Variants in USP9X observed in about 807,000 individuals in gnomAD.
The protein encoded by USP9X is ubiquitin carboxyl-terminal hydrolase 9X.
A neutral mutation model predicts 190.3 loss-of-function variants in USP9X; 7 were observed. The observed-to-expected ratio is 0.04, with a 90% CI of 0.02 to 0.07. The LOEUF (loss-of-function observed/expected upper bound fraction) is 0.07, where lower values mean the gene tolerates loss of function less well. Ranked by LOEUF, USP9X falls within the 10% of genes least tolerant of loss-of-function variation. USP9X has a pLI of 1.00. For synonymous variants in USP9X, 645 were observed against 659.5 expected (o/e 0.98, Z 0.34); for missense variants, 1,010 against 1,916.9 (o/e 0.53, Z 8.83).
intron 18 of USP9X, 53 bp from the exon 19 acceptor site, chrX:41,169,942 A>G (rs1264475704): frequency 5.0e-6 from 6 of 1,189,311 alleles, no homozygotes; most frequent in African/African-American, 1.8e-5. Context: ...CTTGGCAACA[A>G]AATTTCAGAG....
chrX:41,236,017 G>A lies in USP9X; in HGVS notation c.*3493G>A, dbSNP rs1366855849. On this transcript the variant is annotated 3_prime_UTR_variant, in exon 45 of 45. Transcript: ENST00000378308. ...TTTGCTGAATTTTGTGGGTAATTTGGTGGATATATCCTGCCTTATTTAGGA... is the reference window on the plus strand; with the variant it reads ...TTTGCTGAATTTTGTGGGTAATTTGATGGATATATCCTGCCTTATTTAGGA... The A allele has an allele frequency of 9.0e-6, 1 of 111,240 alleles. No individual in the cohort carries two copies. The highest frequency in any genetic ancestry group is 1.9e-5 in the Non-Finnish European group (1 of 52,963). 9.2% of individuals were successfully genotyped at this position (111,240 alleles called of 1,213,427 possible).
Position 41,234,042 on chromosome X carries a change from G to GT in USP9X, c.*1519dup, listed in dbSNP as rs1468373576. 1 of 93,085 alleles carries GT rather than the reference G, an allele frequency of 1.1e-5. No individual in the cohort carries two copies. Among genetic ancestry groups the GT allele is most frequent in the African/African-American group, 4.0e-5 (1 of 24,840 alleles). 7.7% of individuals were successfully genotyped at this position (93,085 alleles called of 1,213,427 possible). A position where few individuals can be genotyped will look rare whatever the true frequency, so the allele number is the denominator to read the frequency against. ...GGTTTTTTTTTTGGTTACTTTTTTT[G>GT]TCCTTTTTTTTTTTTTTTAAAAGAG... On this transcript the variant is annotated 3_prime_UTR_variant, in exon 45 of 45. Transcript: ENST00000378308.
intron 14 of USP9X, among the ~76,000 whole-genome samples, chrX:41,155,835 A>G (rs1432136760): frequency 8.9e-6 from 1 of 112,251 alleles, no homozygotes; most frequent in East Asian, 2.8e-4. Context: ...GGAACAGGGA[A>G]AGTACCACAT....
At chrX:41,106,593 C>T (rs1161486452) in intron 1 of USP9X, among the ~76,000 whole-genome samples, 4 of 90,931 alleles carry the variant, frequency 4.4e-5, no homozygotes, top group African/African-American at 8.6e-5. Flanking sequence ...TGCAATGGCG[C>T]GATCTTGGCT....
At chrX:41,143,846 ACT>A (rs1213422143) in intron 10 of USP9X, among the ~76,000 whole-genome samples, 1 of 111,884 alleles carries the variant, frequency 8.9e-6, no homozygotes. Context: ...AGAATTTATA[ACT>A]CTTCAGAAGG....
Position 41,136,982 on chromosome X carries a change from A to G in USP9X, c.614A>G (p.Asp205Gly). The change falls in exon 6 of 45, where the codon GAT becomes GGT. Residue 205 changes from aspartate to glycine, a missense_variant. This residue lies in a region of USP9X where 176 missense variants were observed against 247.5 expected (regional missense o/e 0.71). Coordinates refer to ENST00000378308, the MANE Select transcript of USP9X (RefSeq NM_001039591.3). Reference sequence around the variant, plus strand: ...TCCTCAAGTGTTCAGTTGCCTGAAGATGAACTCTTTGCTCGTTCTCCAGAT... The same window carrying G: ...TCCTCAAGTGTTCAGTTGCCTGAAGGTGAACTCTTTGCTCGTTCTCCAGAT... The part of the protein sequence containing the change: ...SVSSSVQLPE[D>G]ELFARSPDPR... The G allele has an allele frequency of 8.3e-7, 1 of 1,211,918 alleles. No homozygotes were observed. The highest frequency in any genetic ancestry group is 3.0e-5 in the East Asian group (1 of 33,841).
At chrX:41,200,935 G>A in intron 30 of USP9X, 125 bp from the exon 31 acceptor site, 1 of 653,146 alleles carries the variant, frequency 1.5e-6, no homozygotes, top group Admixed American at 2.9e-5. Flanking sequence ...CACTGCTTCA[G>A]GTTGCTGTAG....
chrX:41,099,111 T>TG (rs1349133676), intron 1 of USP9X, among the ~76,000 whole-genome samples: 3 of 90,956 alleles, frequency 3.3e-5, no homozygotes, highest in Non-Finnish European at 6.4e-5. Flanking sequence ...TTTTTTTTTT[T>TG]TTTTTTTTTT....
At chrX:41,098,181 C>T (rs1312513091) in intron 1 of USP9X, among the ~76,000 whole-genome samples, 3 of 105,365 alleles carry the variant, frequency 2.8e-5, no homozygotes, top group Non-Finnish European at 5.9e-5. Flanking sequence ...CGCTCTGTTG[C>T]CCAGGCTGGA....
At chrX:41,119,140 TA>T (rs1256886989) in intron 1 of USP9X, among the ~76,000 whole-genome samples, 2 of 111,786 alleles carry the variant, frequency 1.8e-5, no homozygotes. Flanking sequence ...ACGTCTCGAT[TA>T]AGACCTTCTG....
chrX:41,128,769 T>TG (rs1447093346), intron 2 of USP9X, among the ~76,000 whole-genome samples: 1 of 111,870 alleles, frequency 8.9e-6, no homozygotes, highest in African/African-American at 3.3e-5. Context: ...CTATATTGTT[T>TG]GGGGAATAAT....
rs1466234609 is a variant in USP9X at position 41,196,460 on chromosome X, A to G, written c.4086+101A>G. On this transcript the variant is annotated intron_variant, in intron 27 of 44. Coordinates refer to ENST00000378308, the MANE Select transcript of USP9X (RefSeq NM_001039591.3). Reference sequence around the variant, plus strand: ...GCTTGCATTAAAGTTAGGACAGTCTATATTTAATAAATGAAGTACTACTTT... The same window carrying G: ...GCTTGCATTAAAGTTAGGACAGTCTGTATTTAATAAATGAAGTACTACTTT... The G allele has an allele frequency of 1.9e-5, 20 of 1,070,753 alleles. No homozygotes were observed. In the East Asian group the frequency reaches 5.5e-4, roughly 29 times the overall value. The allele number at this position is 1,070,753 out of a possible 1,213,427, so 88.2% of individuals were successfully genotyped here. A position where few individuals can be genotyped will look rare whatever the true frequency, so the allele number is the denominator to read the frequency against.
chrX:41,099,776 A>G (rs1198442182), intron 1 of USP9X, among the ~76,000 whole-genome samples: 1 of 111,845 alleles, frequency 8.9e-6, no homozygotes, highest in Admixed American at 9.5e-5. Flanking sequence ...AGGCAGGTGG[A>G]TCACGAGGTC....
chrX:41,123,408 C>T (rs1200766092), intron 1 of USP9X, 63 bp from the exon 2 acceptor site: 1 of 375,080 alleles, frequency 2.7e-6, no homozygotes, highest in Non-Finnish European at 4.7e-6. Context: ...TAAATTCGAA[C>T]AGTTCCATAA....
chrX:41,132,295 ATTTTTTTTTTTTTTT>A (rs11356870), intron 4 of USP9X, among the ~76,000 whole-genome samples: 15,726 of 55,027 alleles, frequency 0.29, 1,216 homozygotes, highest in East Asian at 0.58. Flanking sequence ...ATGCCCACTA[ATTTTTTTTTTTTTTT>A]TTTTTTTTTT....
intron 11 of USP9X, among the ~76,000 whole-genome samples, chrX:41,147,156 A>G (rs1254676370): frequency 9.2e-6 from 1 of 109,138 alleles, no homozygotes; most frequent in Non-Finnish European, 1.9e-5. Context: ...GGTGTCTGTC[A>G]ATAGTTTTGA....
At chrX:41,179,274 G>GT (rs764227281) in intron 21 of USP9X, among the ~76,000 whole-genome samples, 1 of 111,822 alleles carries the variant, frequency 8.9e-6, no homozygotes, top group Non-Finnish European at 1.9e-5. Flanking sequence ...CTCAAAGGAT[G>GT]TTTTTTCTAT....
chrX:41,228,584 GTAGCAAA>G (rs1209978078), intron 41 of USP9X, among the ~76,000 whole-genome samples: 2 of 108,894 alleles, frequency 1.8e-5, no homozygotes, highest in Non-Finnish European at 3.8e-5. Context: ...GTATTGATGT[GTAGCAAA>G]TTACCCTCAA....
chrX:41,161,329 CTTTTTTTTTTTTT>C (rs1158519140), intron 14 of USP9X, among the ~76,000 whole-genome samples: 5 of 32,486 alleles, frequency 1.5e-4, no homozygotes, highest in Non-Finnish European at 1.5e-4. Flanking sequence ...GAATTCTTGC[CTTTTTTTTTTTTT>C]TTTTTTTTTT....
Sources: allele counts gnomAD v4.1 joint callset (sites outside exome capture counted in the v4.1 genomes callset), GRCh38; gene constraint gnomAD v4.1.1; regional missense constraint gnomAD v4.1.1; transcripts MANE v1.5; gene names NCBI Gene and HGNC (gene_info 2026-07-23, HGNC 2026-07-21).